The following BZW2 variants were observed in gnomAD, a reference collection of about 807,000 sequenced individuals.
BZW2 encodes the protein eIF5-mimic protein 1.
A neutral mutation model predicts 53.2 loss-of-function variants in BZW2; 23 were observed. The observed-to-expected ratio is 0.43, with a 90% CI of 0.31 to 0.61. The LOEUF (loss-of-function observed/expected upper bound fraction) is 0.61. Among genes scored for constraint, BZW2 ranks in the 20% least tolerant of loss-of-function variants. The pLI, the probability that BZW2 is intolerant of heterozygous loss-of-function variation, is 0.09. For synonymous variants in BZW2, 227 were observed against 186.4 expected (o/e 1.22, Z -1.77); for missense variants, 409 against 503.1 (o/e 0.81, Z 1.79).
chr7:16,656,555 G>GCGCGCACA (rs1321463865), intron 1 of BZW2, among the ~76,000 whole-genome samples: 7 of 141,202 alleles, frequency 5.0e-5, no homozygotes, highest in African/African-American at 1.6e-4. Context: ...GCGCGCGCGC[G>GCGCGCACA]CACACACACA....
intron 7 of BZW2, among the ~76,000 whole-genome samples, chr7:16,694,014 T>G (rs1215149231): frequency 6.6e-6 from 1 of 152,196 alleles, no homozygotes; most frequent in East Asian, 1.9e-4. Context: ...TTGGATATAT[T>G]TTTTAGACCC....
At chr7:16,705,971 G>T (rs1012995493) in intron 11 of BZW2, 89 bp from the exon 12 acceptor site, 11 of 1,445,538 alleles carry the variant, frequency 7.6e-6, no homozygotes, top group South Asian at 2.3e-5. Context: ...TGGTGCAATG[G>T]CAGGGTTCTG....
chr7:16,652,275 A>G (rs1489287244), intron 1 of BZW2, among the ~76,000 whole-genome samples: 2 of 152,198 alleles, frequency 1.3e-5, no homozygotes, highest in South Asian at 2.1e-4. Context: ...GCACTTAATT[A>G]TTAAAACGTT....
At chr7:16,696,714 G>A (rs1209221848) in intron 8 of BZW2, among the ~76,000 whole-genome samples, 1 of 145,852 alleles carries the variant, frequency 6.9e-6, no homozygotes, top group African/African-American at 2.7e-5. Context: ...ATTAATTTTG[G>A]GACTAAAAAT....
intron 11 of BZW2, 34 bp downstream of exon 11, chr7:16,704,703 A>G (rs1203617253): frequency 9.9e-6 from 15 of 1,514,066 alleles, no homozygotes; most frequent in Non-Finnish European, 1.3e-5. Context: ...GATGACCTTT[A>G]AACACTGTCT....
rs201245130 is a variant in BZW2, at chr7:16,654,509, A to ACC, written c.-8+8232_-8+8233dup. Among the ~76,000 whole-genome samples the ACC allele has an allele frequency of 1.3e-4, 15 of 119,618 alleles. No individual in the cohort carries two copies. In the East Asian group the frequency reaches 1.3e-3, roughly 10 times the overall value. 78.5% of individuals were successfully genotyped at this position (119,618 alleles called of 152,430 possible). A position where few individuals can be genotyped will look rare whatever the true frequency, so the allele number is the denominator to read the frequency against. On this transcript the variant is annotated intron_variant, in intron 1 of 11. Coordinates refer to ENST00000258761, the MANE Select transcript of BZW2 (RefSeq NM_014038.3). ...TAATTTTAATTTTTTTCTGTATATA[A>ACC]CCCCCCCCCCCCAAAAAAAAACGGA...
At chr7:16,647,015 A>G (rs561748582) in intron 1 of BZW2, among the ~76,000 whole-genome samples, 1 of 152,220 alleles carries the variant, frequency 6.6e-6, no homozygotes, top group Non-Finnish European at 1.5e-5. Flanking sequence ...GTTGCTGCCT[A>G]TATATAGCCT....
chr7:16,663,308 C>A (rs1223649428), intron 1 of BZW2, among the ~76,000 whole-genome samples: 1 of 152,092 alleles, frequency 6.6e-6, no homozygotes, highest in African/African-American at 2.4e-5. Context: ...GAATTTTATC[C>A]TTCCTAGTGA....
chr7:16,677,982 C>T (rs1583725310), intron 3 of BZW2, among the ~76,000 whole-genome samples: 1 of 151,360 alleles, frequency 6.6e-6, no homozygotes. Flanking sequence ...GGACATGTGA[C>T]GTAAGGACTG....
chr7:16,663,472 T>TA (rs1382993629), intron 1 of BZW2, among the ~76,000 whole-genome samples: 1 of 152,166 alleles, frequency 6.6e-6, no homozygotes, highest in East Asian at 1.9e-4. Flanking sequence ...GTTTCTCTTC[T>TA]AAAATAATGA....
chr7:16,705,493 G>C (rs1249631000), intron 11 of BZW2, among the ~76,000 whole-genome samples: 1 of 152,010 alleles, frequency 6.6e-6, no homozygotes, highest in Non-Finnish European at 1.5e-5. Flanking sequence ...AGACCATCTT[G>C]CCTAACACAG....
intron 1 of BZW2, among the ~76,000 whole-genome samples, chr7:16,660,233 G>A (rs1308347971): frequency 1.1e-4 from 16 of 151,638 alleles, no homozygotes; most frequent in East Asian, 1.9e-4. Context: ...GGCAACATGG[G>A]GAAACCCTGT....
intron 1 of BZW2, among the ~76,000 whole-genome samples, chr7:16,664,792 A>G (rs888869094): frequency 2.6e-5 from 4 of 152,228 alleles, no homozygotes; most frequent in African/African-American, 9.6e-5. Flanking sequence ...GTGTGAATAT[A>G]GCTACAGGAT....
Position 16,696,894 on chromosome 7 carries a change from C to A in BZW2, c.823-21C>A, listed in dbSNP as rs771453663. On this transcript the variant is annotated intron_variant, in intron 8 of 11. Transcript: ENST00000258761. ...CCTCCATCTGCCTGTTACTTTCTGA[C>A]CCCATTTCCATGTAATGTAGGTGGT... 3.1e-6 allele frequency: 5 copies of A among 1,613,420 alleles called. No individual in the cohort carries two copies. The African/African-American group carries it at 6.7e-5, about 22-fold the overall frequency.
At chr7:16,691,536 A>G (rs1783305257) in intron 7 of BZW2, among the ~76,000 whole-genome samples, 1 of 152,202 alleles carries the variant, frequency 6.6e-6, no homozygotes, top group Non-Finnish European at 1.5e-5. Context: ...ATGGCAAAGT[A>G]CCAGAACACA....
At chr7:16,673,130 T>A (rs963337056) in intron 2 of BZW2, among the ~76,000 whole-genome samples, 1 of 152,046 alleles carries the variant, frequency 6.6e-6, no homozygotes, top group African/African-American at 2.4e-5. Context: ...GTATTTTTAG[T>A]AGAGACGGGG....
chr7:16,656,137 C>CCATATATATATATATATATATATATATA (rs1663822956), intron 1 of BZW2, among the ~76,000 whole-genome samples: 3 of 141,450 alleles, frequency 2.1e-5, no homozygotes, highest in African/African-American at 8.7e-5. Context: ...ATATAAATGA[C>CCATATATATATATATATATATATATATA]TATATATATA....
At chr7:16,654,534 A>T (rs1583699008) in intron 1 of BZW2, among the ~76,000 whole-genome samples, 1 of 123,176 alleles carries the variant, frequency 8.1e-6, no homozygotes, top group African/African-American at 2.9e-5. Flanking sequence ...AAAAAAACGG[A>T]TGATATTTAT....
intron 7 of BZW2, among the ~76,000 whole-genome samples, chr7:16,694,171 G>A (rs1043535442): frequency 1.3e-5 from 2 of 152,164 alleles, no homozygotes; most frequent in East Asian, 1.9e-4. Flanking sequence ...GTGAAAATAT[G>A]AGAGCAGCTA....
Sources: allele counts gnomAD v4.1 joint callset (sites outside exome capture counted in the v4.1 genomes callset), GRCh38; gene constraint gnomAD v4.1.1; transcripts MANE v1.5; gene names NCBI Gene and HGNC (gene_info 2026-07-23, HGNC 2026-07-21).